The following SPTB variants were observed in gnomAD, a reference collection of about 807,000 sequenced individuals.
SPTB encodes spectrin beta chain, erythrocytic.
SPTB carries 45 observed loss-of-function variants against 256.2 expected under a neutral mutation model. The ratio of observed to expected loss-of-function variants is 0.18; its 90% CI spans 0.14 to 0.23. The LOEUF is 0.23. Ranked by LOEUF, SPTB falls within the 10% of genes least tolerant of loss-of-function variation. The pLI is 1.00. For synonymous variants in SPTB, 1,231 were observed against 1,243.1 expected, an observed-to-expected ratio of 0.99 and a Z score of 0.21; for missense variants, 2,715 against 3,040.4, an observed-to-expected ratio of 0.89 and a Z score of 2.52.
chr14:64,779,442 A>T lies in SPTB; in HGVS notation c.4474-196T>A, dbSNP rs1187752985. 1.3e-5 allele frequency among the ~76,000 whole-genome samples: 2 copies of T among 152,234 alleles called. No individual in the cohort carries two copies. Among genetic ancestry groups the T allele is most frequent in the Non-Finnish European group, 2.9e-5 (2 of 68,042 alleles). ...CTGAGGTTCCAAATAACTTGCTCCTAGTCAGACAGTGGGAAGGTAATGTAG... is the reference window on the plus strand; with the variant it reads ...CTGAGGTTCCAAATAACTTGCTCCTTGTCAGACAGTGGGAAGGTAATGTAG... On this transcript the variant is annotated intron_variant, in intron 21 of 35. Coordinates refer to ENST00000644917, the MANE Select transcript of SPTB (RefSeq NM_001355436.2). The surrounding 1 kb of genome is among the most constrained non-coding windows in gnomAD (Gnocchi z 4.2).
At position 64,787,013 on chromosome 14, in the gene SPTB, C is replaced by T. The variant is rs1427002875; in HGVS notation, c.2952G>A (p.Gly984=). ...TGGCGATGATACCTGCCAGGTCCCG[C>T]CCCAGGTCTTTTGTGGACTCCACTA... ...TKVVESTKDL[G]RDLAGIIAIQ... Residue 984 remains glycine (G), a synonymous_variant, in exon 16 of 36, where the codon GGG becomes GGA. Transcript: ENST00000644917. The T allele has an allele frequency of 6.2e-7, 1 of 1,614,038 alleles. No individual in the cohort carries two copies. The highest frequency in any genetic ancestry group is 1.3e-5 in the African/African-American group (1 of 74,932).
At chr14:64,857,577 CAAAAAAAAA>C (rs34021718) in intron 1 of SPTB, among the ~76,000 whole-genome samples, 7 of 61,366 alleles carry the variant, frequency 1.1e-4, no homozygotes, top group South Asian at 7.3e-4. Flanking sequence ...GACACTGCCT[CAAAAAAAAA>C]AAAAAAAAAA....
At chr14:64,811,685 A>G (rs958250743) in intron 2 of SPTB, among the ~76,000 whole-genome samples, 2 of 152,234 alleles carry the variant, frequency 1.3e-5, no homozygotes, top group Non-Finnish European at 2.9e-5. Flanking sequence ...TTAGGTGATA[A>G]TGTAATGACC....
intron 3 of SPTB, among the ~76,000 whole-genome samples, chr14:64,804,272 G>C (rs1454669351): frequency 6.6e-6 from 1 of 152,150 alleles, no homozygotes; most frequent in African/African-American, 2.4e-5. Context: ...TTCAATGCAG[G>C]GTGAGAGGCA....
chr14:64,810,505 C>T (rs573503975), intron 2 of SPTB, among the ~76,000 whole-genome samples: 2 of 152,236 alleles, frequency 1.3e-5, no homozygotes, highest in East Asian at 1.9e-4. Flanking sequence ...TATGATGAAA[C>T]GCCGTCTCTA....
In SPTB at chr14:64,773,298, G is replaced by A. The variant is rs372793433; in HGVS notation, c.5100C>T (p.Asp1700=). 2.5e-5 allele frequency: 40 copies of A among 1,614,080 alleles called. No individual in the cohort carries two copies. Among genetic ancestry groups the A allele is most frequent in the African/African-American group, 9.3e-5 (7 of 74,928 alleles). ...TTTCTGAAATCCACTGCTCCAGGTC[G>A]TCGGTCTCCCGCTTGAGCTGGAACA... ...YHLFQLKRET[D]DLEQWISEKE... The change falls in exon 25 of 36, where the codon GAC becomes GAT. Residue 1700 remains aspartate, a synonymous_variant. Coordinates refer to ENST00000644917, the MANE Select transcript of SPTB (RefSeq NM_001355436.2).
intron 32 of SPTB, among the ~76,000 whole-genome samples, chr14:64,757,794 C>T (rs1029427142): frequency 6.6e-6 from 1 of 152,180 alleles, no homozygotes; most frequent in Non-Finnish European, 1.5e-5. Context: ...GGAGGAAGAA[C>T]CAAGAGGCAC....
chr14:64,828,760 G>T (rs1358632341), intron 1 of SPTB, among the ~76,000 whole-genome samples: 2 of 152,124 alleles, frequency 1.3e-5, no homozygotes, highest in Non-Finnish European at 2.9e-5. Flanking sequence ...TGAAAAGCTG[G>T]ATGCCCAATT....
intron 19 of SPTB, among the ~76,000 whole-genome samples, chr14:64,783,998 A>G (rs369946383): frequency 2.0e-4 from 30 of 152,318 alleles, no homozygotes; most frequent in African/African-American, 6.3e-4. Flanking sequence ...AGCTCTAACT[A>G]GATGTCCTCA....
At chr14:64,803,982 C>A (rs1414482476) in intron 3 of SPTB, among the ~76,000 whole-genome samples, 2 of 152,208 alleles carry the variant, frequency 1.3e-5, no homozygotes, top group Admixed American at 1.3e-4. Flanking sequence ...ACCCAGAGAT[C>A]GGTAACCAGG....
At chr14:64,820,946 G>A (rs2083275344) in intron 2 of SPTB, among the ~76,000 whole-genome samples, 1 of 152,022 alleles carries the variant, frequency 6.6e-6, no homozygotes, top group African/African-American at 2.4e-5. Flanking sequence ...CCAAAGTGCT[G>A]GGATTATAGG....
intron 1 of SPTB, among the ~76,000 whole-genome samples, chr14:64,876,759 G>T (rs968487602): frequency 2.0e-5 from 3 of 152,108 alleles, no homozygotes; most frequent in Non-Finnish European, 4.4e-5. Flanking sequence ...CTTTAAGATT[G>T]CACTAAAATG....
rs74414028 is a variant in SPTB, at chr14:64,796,918, T to G, written c.1183-203A>C. ...CCATCAAAGATTCAGAGGGCACTGC[T>G]CATGAGTCTCACTTCCCTCTTCCCC... On this transcript the variant is annotated intron_variant, in intron 10 of 35. Coordinates refer to ENST00000644917, the MANE Select transcript of SPTB (RefSeq NM_001355436.2). This position sits in a 1 kb window ranked among gnomAD's most constrained non-coding sequence, Gnocchi z 4.1. 9.4e-3 allele frequency among the ~76,000 whole-genome samples: 1,435 copies of G among 152,290 alleles called. 25 individuals carry two copies. The highest frequency in any genetic ancestry group is 0.033 in the African/African-American group (1,361 of 41,552).
In SPTB at chr14:64,773,341, A is replaced by C; in HGVS notation, c.5057T>G (p.Leu1686Arg). 6.2e-7 allele frequency: 1 copy of C among 1,614,080 alleles called. No homozygotes were observed. The highest frequency in any genetic ancestry group is 8.5e-7 in the Non-Finnish European group (1 of 1,180,008). Residue 1686 changes from leucine (L) to arginine (R), a missense_variant, in exon 25 of 36, where the codon CTG becomes CGG. Leu to Arg is a moderately radical substitution (Grantham distance 102). Around this residue, in one of 4 missense-constraint regions of SPTB, gnomAD observed 2,239 missense variants for 2,384.4 expected, o/e 0.94. Transcript: ENST00000644917. ...CTGGAACAGGTGGTACATGTTCTCC[A>C]GCTTGCGCTTGCGCTCTTCCGCCAC... is the stretch of plus-strand genomic sequence containing the variant. ...KDVAEERKRK[L>R]ENMYHLFQLK...
intron 1 of SPTB, among the ~76,000 whole-genome samples, chr14:64,854,953 T>G (rs990164420): frequency 6.6e-6 from 1 of 152,208 alleles, no homozygotes; most frequent in Non-Finnish European, 1.5e-5. Flanking sequence ...CCAGGCTCCA[T>G]GATCACCCCT....
rs1287644113 is a variant in SPTB, at chr14:64,749,251, T to C, written c.*55A>G. The C allele has an allele frequency of 6.5e-7, 1 of 1,535,008 alleles. No homozygotes were observed. Reference sequence around the variant, plus strand: ...GCGGCGGCGAGAGGAGGCCAAGGCCTGGGCTGCCCGGTCTCTGCGCGTCCC... The same window carrying C: ...GCGGCGGCGAGAGGAGGCCAAGGCCCGGGCTGCCCGGTCTCTGCGCGTCCC... On this transcript the variant is annotated 3_prime_UTR_variant, in exon 36 of 36. Transcript: ENST00000644917. The surrounding 1 kb of genome is among the most constrained non-coding windows in gnomAD (Gnocchi z 4.7).
rs1594793043 is a variant in SPTB, at chr14:64,802,154, T to G, written c.566+72A>C. ...TGGGTGATGATGTCTAATGTCCCTCTGGAGATGGCAGTGCTTGTGCGGAGC... is the reference window on the plus strand; with the variant it reads ...TGGGTGATGATGTCTAATGTCCCTCGGGAGATGGCAGTGCTTGTGCGGAGC... On this transcript the variant is annotated intron_variant, in intron 5 of 35. Transcript: ENST00000644917. The surrounding 1 kb of genome is among the most constrained non-coding windows in gnomAD (Gnocchi z 5.1). 3 of 1,398,666 alleles carry G rather than the reference T, an allele frequency of 2.1e-6. No homozygotes were observed. Among genetic ancestry groups the G allele is most frequent in the East Asian group, 4.6e-5 (2 of 43,646 alleles). 86.6% of individuals were successfully genotyped at this position (1,398,666 alleles called of 1,614,324 possible).
chr14:64,762,742 T>G (rs539771413), intron 32 of SPTB, among the ~76,000 whole-genome samples: 1 of 152,232 alleles, frequency 6.6e-6, no homozygotes, highest in South Asian at 2.1e-4. Flanking sequence ...GGAAGAGAGC[T>G]TTCCCTGACT....
chr14:64,836,940 A>T (rs2139741151), intron 1 of SPTB, among the ~76,000 whole-genome samples: 1 of 152,324 alleles, frequency 6.6e-6, no homozygotes, highest in South Asian at 2.1e-4. Context: ...TTAGGAGCCA[A>T]ACCAGGCCAA....
Sources: gnomAD v4.1 joint callset for allele counts (sites outside exome capture counted in the v4.1 genomes callset) on GRCh38, gnomAD v4.1.1 for gene constraint, gnomAD v4.1.1 regional missense constraint, Gnocchi (gnomAD v3.1) non-coding constraint, MANE v1.5 for transcripts, NCBI Gene and HGNC (gene_info 2026-07-23, HGNC 2026-07-21) for gene names.